PLB1: variants seen among roughly 807,000 people sequenced by gnomAD.
The protein encoded by PLB1 is phospholipase B1, membrane-associated.
In PLB1, 242 loss-of-function variants were observed where a neutral mutation model predicts 227.4. The observed-to-expected ratio is 1.06, with a 90% CI of 0.96 to 1.18. The LOEUF (loss-of-function observed/expected upper bound fraction) is 1.18. Among genes scored for constraint, PLB1 ranks in the 50% most tolerant of loss-of-function variants. The probability of loss-of-function intolerance (pLI) is 0.00; values close to 1 mark genes in which losing one functional copy is unlikely to be tolerated. For synonymous variants in PLB1, 757 were observed against 682.2 expected, an observed-to-expected ratio of 1.11 and a Z score of -1.71; for missense variants, 1,858 against 1,816.3, an observed-to-expected ratio of 1.02 and a Z score of -0.42.
At chr2:28,621,144 C>G (rs1186824992) in intron 49 of PLB1, among the ~76,000 whole-genome samples, 166 bp downstream of exon 49, 3 of 152,312 alleles carry the variant, frequency 2.0e-5, no homozygotes, top group Admixed American at 6.5e-5. Context: ...CACCCTTGGA[C>G]AGGGGCACTG....
At chr2:28,546,426 T>C (rs1673277248) in intron 14 of PLB1, among the ~76,000 whole-genome samples, 2 of 152,106 alleles carry the variant, frequency 1.3e-5, no homozygotes, top group South Asian at 4.1e-4. Context: ...AGAGGATTTT[T>C]AAGGTCATTG....
chr2:28,539,325 C>A (rs142134741), intron 11 of PLB1, 147 bp downstream of exon 11: 6 of 727,272 alleles, frequency 8.3e-6, no homozygotes, highest in African/African-American at 7.0e-5. Flanking sequence ...GAGCTCACAC[C>A]CGAGCGAGTG....
intron 33 of PLB1, among the ~76,000 whole-genome samples, chr2:28,597,070 T>C (rs1182438845): frequency 6.6e-6 from 1 of 152,096 alleles, no homozygotes; most frequent in Non-Finnish European, 1.5e-5. Flanking sequence ...GAGACCATCC[T>C]GGCTAACACG....
At chr2:28,605,738 C>T (rs1018104487) in intron 41 of PLB1, 115 bp from the exon 42 acceptor site, 3 of 756,520 alleles carry the variant, frequency 4.0e-6, no homozygotes, top group Non-Finnish European at 6.9e-6. Flanking sequence ...GGCTGGTGAC[C>T]TGGAGCACTC....
At chr2:28,620,743 G>C in intron 48 of PLB1, 100 bp downstream of exon 48, 1 of 1,566,708 alleles carries the variant, frequency 6.4e-7, no homozygotes, top group East Asian at 2.2e-5. Flanking sequence ...CTGCAAGAAG[G>C]GAAGTCAGCC....
intron 56 of PLB1, 119 bp from the exon 57 acceptor site, chr2:28,640,808 G>A (rs920720891): frequency 3.1e-5 from 32 of 1,044,200 alleles, no homozygotes; most frequent in Middle Eastern, 2.3e-4. Context: ...CAGCCACTTC[G>A]CTGGTTTCTA....
At chr2:28,594,941 C>T (rs1682650111) in intron 33 of PLB1, 1 of 152,096 alleles carries the variant, frequency 6.6e-6, no homozygotes, top group Non-Finnish European at 1.5e-5. Context: ...CTGGCAGCTG[C>T]ACTTGGTCTC....
intron 18 of PLB1, among the ~76,000 whole-genome samples, chr2:28,564,034 G>A (rs367876748): frequency 1.3e-5 from 2 of 152,040 alleles, no homozygotes; most frequent in Non-Finnish European, 2.9e-5. Context: ...GAGGCCAGGG[G>A]GTCAAGGTGA....
intron 12 of PLB1, 123 bp from the exon 13 acceptor site, chr2:28,541,584 A>G: frequency 1.5e-6 from 1 of 674,938 alleles, no homozygotes; most frequent in Non-Finnish European, 2.6e-6. Context: ...TCAGAATAGC[A>G]CTTGACCACA....
At chr2:28,513,226 A>C (rs190689141) in intron 1 of PLB1, among the ~76,000 whole-genome samples, 74 of 152,236 alleles carry the variant, frequency 4.9e-4, no homozygotes, top group African/African-American at 1.8e-3. Flanking sequence ...GGCTGGTAGT[A>C]TTTTCATCCA....
intron 26 of PLB1, 99 bp downstream of exon 26, chr2:28,585,941 G>A (rs1680835426): frequency 1.5e-5 from 17 of 1,101,900 alleles, no homozygotes; most frequent in Admixed American, 7.1e-5. Context: ...TTGACCCTGT[G>A]TGGGGGATGA....
rs192227132 is a variant in PLB1 at position 28,625,965 on chromosome 2, T to C, written c.3580-463T>C. ...GTGGAGCACCTTATCCTAGCACCAATTGAGGGCTGGGAAGCCCCACTTTGT... is the reference window on the plus strand; with the variant it reads ...GTGGAGCACCTTATCCTAGCACCAACTGAGGGCTGGGAAGCCCCACTTTGT... On this transcript the variant is annotated intron_variant, in intron 50 of 57. Coordinates refer to ENST00000327757, the MANE Select transcript of PLB1 (RefSeq NM_153021.5). Among the ~76,000 whole-genome samples the C allele has an allele frequency of 3.5e-3, 525 of 150,788 alleles. 3 individuals are homozygous for C. The highest frequency in any genetic ancestry group is 0.012 in the African/African-American group (490 of 41,152).
At chr2:28,517,224 A>G (rs892859171) in intron 2 of PLB1, among the ~76,000 whole-genome samples, 1 of 152,226 alleles carries the variant, frequency 6.6e-6, no homozygotes, top group African/African-American at 2.4e-5. Flanking sequence ...AGCTGAGAGT[A>G]AATGCTGTGG....
chr2:28,627,582 C>T (rs1030210105), intron 51 of PLB1, among the ~76,000 whole-genome samples: 1 of 152,194 alleles, frequency 6.6e-6, no homozygotes, highest in African/African-American at 2.4e-5. Context: ...TATTTTAACT[C>T]TTCGGCATGG....
chr2:28,638,438 A>G (rs904240398), intron 56 of PLB1, among the ~76,000 whole-genome samples: 8 of 151,772 alleles, frequency 5.3e-5, no homozygotes, highest in African/African-American at 1.7e-4. Flanking sequence ...AGATGCTTCT[A>G]AGCAGTAGAG....
intron 44 of PLB1, 76 bp from the exon 45 acceptor site, chr2:28,617,651 T>C (rs1686380349): frequency 4.9e-6 from 7 of 1,426,272 alleles, no homozygotes; most frequent in Admixed American, 3.4e-5. Context: ...ATCCCTTAGC[T>C]GGTTCTTCTT....
chr2:28,607,604 G>A (rs1573394052), intron 43 of PLB1, among the ~76,000 whole-genome samples: 1 of 152,138 alleles, frequency 6.6e-6, no homozygotes, highest in African/African-American at 2.4e-5. Context: ...GCAACAGCTA[G>A]TGCAACACAG....
chr2:28,515,298 G>C (rs981724195), intron 1 of PLB1, among the ~76,000 whole-genome samples: 6 of 152,028 alleles, frequency 3.9e-5, no homozygotes, highest in Non-Finnish European at 7.4e-5. Context: ...TCATGGACTA[G>C]CCTGGCATTT....
intron 5 of PLB1, among the ~76,000 whole-genome samples, chr2:28,525,597 T>A (rs2148186887): frequency 6.6e-6 from 1 of 152,284 alleles, no homozygotes; most frequent in African/African-American, 2.4e-5. Flanking sequence ...TGCTCTGCTC[T>A]TGGGGAACCA....
Sources: gnomAD v4.1 joint callset for allele counts (sites outside exome capture counted in the v4.1 genomes callset) on GRCh38, gnomAD v4.1.1 for gene constraint, MANE v1.5 for transcripts, NCBI Gene and HGNC (gene_info 2026-07-23, HGNC 2026-07-21) for gene names.